Variants in ARHGEF3 observed in about 807,000 individuals in gnomAD.
ARHGEF3 encodes Rho guanine nucleotide exchange factor 3.
A neutral mutation model predicts 63.2 loss-of-function variants in ARHGEF3; 28 were observed. That is an observed-to-expected ratio of 0.44 (90% CI 0.33 to 0.61). The LOEUF (loss-of-function observed/expected upper bound fraction) is 0.61. ARHGEF3 is among the 20% of genes least tolerant of loss of function. The pLI, the probability that ARHGEF3 is intolerant of heterozygous loss-of-function variation, is 0.03. For synonymous variants in ARHGEF3, 266 were observed against 254.2 expected, an observed-to-expected ratio of 1.05 and a Z score of -0.44; for missense variants, 533 against 659.3, an observed-to-expected ratio of 0.81 and a Z score of 2.10.
intron 3 of ARHGEF3, among the ~76,000 whole-genome samples, chr3:56,931,910 G>T (rs1202996922): frequency 6.6e-6 from 1 of 152,072 alleles, no homozygotes; most frequent in Non-Finnish European, 1.5e-5. Flanking sequence ...TCTTATCAAG[G>T]TGCTTTCCTC....
At chr3:56,775,579 AG>A (rs1169147423) in intron 1 of ARHGEF3, 1 of 985,794 alleles carries the variant, frequency 1.0e-6, no homozygotes, top group Non-Finnish European at 1.2e-6. Flanking sequence ...CAAAATGCAG[AG>A]GATGAATCTC....
chr3:57,074,144 T>G, intron 1 of ARHGEF3: 1 of 1,614,126 alleles, frequency 6.2e-7, no homozygotes, highest in Non-Finnish European at 8.5e-7. Flanking sequence ...TGTGTGAGGA[T>G]ATAGATGCCG....
intron 1 of ARHGEF3, among the ~76,000 whole-genome samples, chr3:57,065,155 T>C (rs1053474796): frequency 3.9e-5 from 6 of 152,198 alleles, no homozygotes; most frequent in Admixed American, 3.9e-4. Context: ...GTCTTAAATG[T>C]TGAAATTACT....
intron 3 of ARHGEF3, among the ~76,000 whole-genome samples, chr3:56,924,263 T>G (rs750245475): frequency 1.8e-4 from 28 of 152,130 alleles, no homozygotes; most frequent in Non-Finnish European, 3.5e-4. Flanking sequence ...GCTTCCAAAT[T>G]CAGCACTCTT....
chr3:57,054,775 C>T (rs1051716430), intron 1 of ARHGEF3, among the ~76,000 whole-genome samples: 10 of 151,374 alleles, frequency 6.6e-5, no homozygotes, highest in African/African-American at 2.4e-4. Flanking sequence ...CTTAGCCTCC[C>T]GAGTAGCTGG....
At chr3:57,045,122 C>T (rs1321951769) in intron 1 of ARHGEF3, among the ~76,000 whole-genome samples, 1 of 152,124 alleles carries the variant, frequency 6.6e-6, no homozygotes, top group East Asian at 1.9e-4. Flanking sequence ...CAAAAATTAG[C>T]TGGGCGTGGT....
At chr3:56,980,842 C>T (rs1701298963) in intron 2 of ARHGEF3, among the ~76,000 whole-genome samples, 1 of 152,252 alleles carries the variant, frequency 6.6e-6, no homozygotes, top group Admixed American at 6.5e-5. Flanking sequence ...TACCAGGCTT[C>T]AAGTCAAGTT....
intron 4 of ARHGEF3, among the ~76,000 whole-genome samples, chr3:56,825,278 A>G (rs1222034709): frequency 6.6e-6 from 1 of 152,182 alleles, no homozygotes; most frequent in African/African-American, 2.4e-5. Context: ...ATTTACAGAG[A>G]CCCCTGCACT....
intron 3 of ARHGEF3, among the ~76,000 whole-genome samples, chr3:56,925,597 C>T (rs79300628): frequency 6.7e-6 from 1 of 148,612 alleles, no homozygotes; most frequent in Non-Finnish European, 1.5e-5. Context: ...AGATGGTAGG[C>T]TAAGCTAATT....
chr3:57,001,760 C>T (rs1027081224), intron 2 of ARHGEF3, among the ~76,000 whole-genome samples: 4 of 152,180 alleles, frequency 2.6e-5, no homozygotes, highest in Non-Finnish European at 4.4e-5. Flanking sequence ...AAGGCTTGAA[C>T]TGTAGCCAAC....
chr3:56,977,295 T>C (rs1300321498), intron 2 of ARHGEF3: 1 of 456,556 alleles, frequency 2.2e-6, no homozygotes, highest in African/African-American at 2.0e-5. Context: ...CTATCAAACA[T>C]GGTCCATCTA....
intron 2 of ARHGEF3, among the ~76,000 whole-genome samples, chr3:56,999,749 A>T (rs1433294587): frequency 6.6e-6 from 1 of 152,178 alleles, no homozygotes; most frequent in African/African-American, 2.4e-5. Flanking sequence ...CTGAGCTATG[A>T]TTGCACAACT....
chr3:57,034,335 G>A (rs1703859842), intron 2 of ARHGEF3, among the ~76,000 whole-genome samples: 1 of 150,458 alleles, frequency 6.6e-6, no homozygotes, highest in Non-Finnish European at 1.5e-5. Flanking sequence ...GGAAGAAATG[G>A]TGAGTCAAAG....
At chr3:57,037,697 A>G (rs1222599009) in intron 1 of ARHGEF3, among the ~76,000 whole-genome samples, 1 of 152,108 alleles carries the variant, frequency 6.6e-6, no homozygotes, top group East Asian at 1.9e-4. Context: ...ACACGGTGAA[A>G]ACCCGTCTCT....
At chr3:57,074,626 A>G in intron 1 of ARHGEF3, 1 of 226,524 alleles carries the variant, frequency 4.4e-6, no homozygotes, top group Non-Finnish European at 9.5e-6. Context: ...GATCCTATAC[A>G]TTTTCATCTC....
At chr3:57,014,573 A>T (rs1380977581) in intron 2 of ARHGEF3, among the ~76,000 whole-genome samples, 4 of 152,262 alleles carry the variant, frequency 2.6e-5, no homozygotes, top group African/African-American at 9.6e-5. Flanking sequence ...AGAATTAGAA[A>T]ACTATATTTC....
At chr3:57,023,351 T>C (rs1055757911) in intron 2 of ARHGEF3, among the ~76,000 whole-genome samples, 1 of 152,200 alleles carries the variant, frequency 6.6e-6, no homozygotes, top group East Asian at 1.9e-4. Flanking sequence ...TCCACTCACT[T>C]ATTCTCAACA....
intron 3 of ARHGEF3, among the ~76,000 whole-genome samples, chr3:56,929,402 G>A (rs777276219): frequency 8.5e-5 from 13 of 152,190 alleles, no homozygotes; most frequent in African/African-American, 2.9e-4. Context: ...TCTCTACTGA[G>A]TCGACAGTAT....
chr3:56,809,932 C>G (rs2038004294), intron 4 of ARHGEF3, among the ~76,000 whole-genome samples: 1 of 152,016 alleles, frequency 6.6e-6, no homozygotes, highest in Admixed American at 6.6e-5. Context: ...TGGGTTTCAC[C>G]ATGTGGGTCA....
Sources: allele counts gnomAD v4.1 joint callset (sites outside exome capture counted in the v4.1 genomes callset), GRCh38; gene constraint gnomAD v4.1.1; transcripts MANE v1.5; gene names NCBI Gene and HGNC (gene_info 2026-07-23, HGNC 2026-07-21).